GAK: variants seen among roughly 807,000 people sequenced by gnomAD.
The protein encoded by GAK is cyclin G associated kinase, also known as cyclin-G-associated kinase.
GAK carries 79 observed loss-of-function variants against 143.9 expected under a neutral mutation model. That is an observed-to-expected ratio of 0.55 (90% CI 0.46 to 0.66). GAK has a LOEUF of 0.66. Ranked by LOEUF, GAK falls within the 30% of genes least tolerant of loss-of-function variation. GAK has a pLI of 0.00. For synonymous variants in GAK, 881 were observed against 765.5 expected (o/e 1.15, Z -2.49); for missense variants, 1,693 against 1,779.7 (o/e 0.95, Z 0.88).
intron 4 of GAK, among the ~76,000 whole-genome samples, 197 bp from the exon 5 acceptor site, chr4:904,976 T>C (rs1474097934): frequency 6.6e-6 from 1 of 152,180 alleles, no homozygotes; most frequent in African/African-American, 2.4e-5. Flanking sequence ...TGACTGCAGA[T>C]CTCCTCTTCG....
intron 21 of GAK, among the ~76,000 whole-genome samples, 178 bp downstream of exon 21, chr4:866,778 A>G (rs1406152554): frequency 1.3e-5 from 2 of 152,174 alleles, no homozygotes; most frequent in Non-Finnish European, 2.9e-5. Context: ...CCGGCCCGTG[A>G]GCTCAGGTGG....
At chr4:920,834 G>A (rs1723819005) in intron 1 of GAK, among the ~76,000 whole-genome samples, 1 of 152,112 alleles carries the variant, frequency 6.6e-6, no homozygotes, top group Admixed American at 6.6e-5. Context: ...GAGCCACCAT[G>A]CCCGGCCCCA....
intron 5 of GAK, among the ~76,000 whole-genome samples, chr4:900,380 C>A (rs1301947897): frequency 1.3e-5 from 2 of 152,264 alleles, no homozygotes; most frequent in Non-Finnish European, 2.9e-5. Context: ...CAGGGCTGGC[C>A]TGGGTTCCCG....
At chr4:885,023 G>A (rs1266941706) in intron 11 of GAK, among the ~76,000 whole-genome samples, 16 of 151,428 alleles carry the variant, frequency 1.1e-4, no homozygotes, top group South Asian at 4.2e-4. Context: ...CGGGTCTTCC[G>A]TGCGTTCAAA....
rs1179817720 is a variant in GAK, at chr4:881,960, C to T, written c.1608G>A (p.Val536=). 1 of 1,600,684 alleles carries T rather than the reference C, an allele frequency of 6.2e-7. No homozygotes were observed. Among genetic ancestry groups the T allele is most frequent in the Non-Finnish European group, 8.5e-7 (1 of 1,173,876 alleles). The change falls in exon 15 of 28, where the codon GTG becomes GTA. Residue 536 remains valine (V), a synonymous_variant. Transcript: ENST00000314167. ...GGCAGCGCTTCATGCTGAACATGTACACGGCGGCCTCCGCGGTGCTGAAGA... is the reference window on the plus strand; with the variant it reads ...GGCAGCGCTTCATGCTGAACATGTATACGGCGGCCTCCGCGGTGCTGAAGA... ...CRLFSTAEAA[V]YMFSMKRCPP...
At chr4:881,288 G>A (rs1715051410) in intron 15 of GAK, among the ~76,000 whole-genome samples, 1 of 152,210 alleles carries the variant, frequency 6.6e-6, no homozygotes, top group Non-Finnish European at 1.5e-5. Context: ...TCTTTCAGAG[G>A]CTAGGAGGCT....
chr4:902,611 A>AAAAAAAAAAAAAAAAAAAC (rs1560401685), intron 5 of GAK, among the ~76,000 whole-genome samples: 1 of 149,830 alleles, frequency 6.7e-6, no homozygotes, highest in African/African-American at 2.5e-5. Context: ...AAAAAAAAAA[A>AAAAAAAAAAAAAAAAAAAC]AAACCCCAAA....
chr4:858,583 A>G (rs571779857), intron 24 of GAK, among the ~76,000 whole-genome samples: 2 of 152,374 alleles, frequency 1.3e-5, no homozygotes, highest in East Asian at 3.9e-4. Flanking sequence ...AGAAACGCTC[A>G]TGGATGTCCT....
chr4:911,578 C>G (rs901753611), intron 4 of GAK, 95 bp downstream of exon 4: 2 of 816,734 alleles, frequency 2.4e-6, no homozygotes, highest in African/African-American at 3.4e-5. Context: ...GAGAAGATGC[C>G]GGGCATGTTT....
chr4:859,973 C>CATT (rs1749982245), intron 23 of GAK, among the ~76,000 whole-genome samples: 1 of 152,180 alleles, frequency 6.6e-6, no homozygotes, highest in Non-Finnish European at 1.5e-5. Flanking sequence ...ATGCTCATAT[C>CATT]ATTATGATTA....
intron 5 of GAK, among the ~76,000 whole-genome samples, chr4:900,399 C>T (rs1478454900): frequency 6.6e-6 from 1 of 152,264 alleles, no homozygotes; most frequent in Non-Finnish European, 1.5e-5. Flanking sequence ...CGCCACGCCG[C>T]TGTGGAGCAG....
Position 874,523 on chromosome 4 carries a change from C to T in GAK, c.2054+2007G>A, listed in dbSNP as rs568091712. On this transcript the variant is annotated intron_variant, in intron 18 of 27. Coordinates refer to ENST00000314167, the MANE Select transcript of GAK (RefSeq NM_005255.4). ...TATTTTTCTCTCAGCACTTTAGAGA[C>T]GGCGCGCCTCAGCTGCCTTCGGGTG... is the stretch of plus-strand genomic sequence containing the variant. Among the ~76,000 whole-genome samples the T allele has an allele frequency of 1.6e-4, 25 of 152,260 alleles. No individual in the cohort carries two copies. In the South Asian group the frequency reaches 3.9e-3, roughly 24 times the overall value.
chr4:866,784 G>C lies in GAK; in HGVS notation c.2872+172C>G, dbSNP rs1751263582. Among the ~76,000 whole-genome samples the C allele has an allele frequency of 2.0e-5, 3 of 152,330 alleles. No individual in the cohort carries two copies. In the Middle Eastern group the frequency reaches 0.01, roughly 518 times the overall value. Reference sequence around the variant, plus strand: ...CAGTAGCTCCCGGCCCGTGAGCTCAGGTGGGCAGCACAGAACCCTGACATG... The same window carrying C: ...CAGTAGCTCCCGGCCCGTGAGCTCACGTGGGCAGCACAGAACCCTGACATG... On this transcript the variant is annotated intron_variant, in intron 21 of 27. Coordinates refer to ENST00000314167, the MANE Select transcript of GAK (RefSeq NM_005255.4).
At chr4:865,352 C>T (rs558158495) in intron 22 of GAK, 108 bp from the exon 23 acceptor site, 4 of 1,417,858 alleles carry the variant, frequency 2.8e-6, no homozygotes, top group Non-Finnish European at 9.7e-7. Flanking sequence ...ACCTCTTGCA[C>T]CCAGGCTGAG....
At chr4:896,366 C>G in intron 7 of GAK, 94 bp downstream of exon 7, 2 of 925,992 alleles carry the variant, frequency 2.2e-6, no homozygotes, top group Non-Finnish European at 3.6e-6. Context: ...AGGAGGCAGG[C>G]CAGTTCCGAG....
chr4:898,275 GC>G, intron 5 of GAK, 117 bp from the exon 6 acceptor site: 1 of 1,197,974 alleles, frequency 8.3e-7, no homozygotes, highest in Non-Finnish European at 1.2e-6. Flanking sequence ...CTCGCCCAGG[GC>G]CACGGCTGCC....
chr4:896,987 T>C (rs1214570185), intron 6 of GAK, among the ~76,000 whole-genome samples: 1 of 152,140 alleles, frequency 6.6e-6, no homozygotes, highest in Non-Finnish European at 1.5e-5. Flanking sequence ...CCACCCAAGC[T>C]CACCCGACTG....
At chr4:892,550 A>G (rs1332008784) in intron 9 of GAK, among the ~76,000 whole-genome samples, 2 of 152,162 alleles carry the variant, frequency 1.3e-5, no homozygotes, top group African/African-American at 4.8e-5. Flanking sequence ...CACTTCCACA[A>G]AGCACACGGC....
chr4:914,017 C>T (rs1417447079), intron 1 of GAK: 1 of 174,624 alleles, frequency 5.7e-6, no homozygotes, highest in African/African-American at 7.0e-5. Flanking sequence ...ACACACACAG[C>T]CCCAGCGTGC....
Sources: gnomAD v4.1 joint callset for allele counts (sites outside exome capture counted in the v4.1 genomes callset) on GRCh38, gnomAD v4.1.1 for gene constraint, MANE v1.5 for transcripts, NCBI Gene and HGNC (gene_info 2026-07-23, HGNC 2026-07-21) for gene names.